The following LCORL variants were observed in gnomAD, a reference collection of about 807,000 sequenced individuals.
The protein encoded by LCORL is ligand-dependent nuclear receptor corepressor-like protein.
Under a neutral mutation model 141.8 loss-of-function variants are expected in LCORL, and 41 were observed. The ratio of observed to expected loss-of-function variants is 0.29; its 90% confidence interval spans 0.23 to 0.38. The LOEUF (loss-of-function observed/expected upper bound fraction) is 0.38, where lower values mean the gene tolerates loss of function less well. Ranked by LOEUF, LCORL falls within the 10% of genes least tolerant of loss-of-function variation. The pLI, the probability that LCORL is intolerant of heterozygous loss-of-function variation, is 1.00. For missense variants in LCORL, 1,759 were observed against 2,035.0 expected, an observed-to-expected ratio of 0.86 and a Z score of 2.61; for synonymous variants, 618 against 694.1, an observed-to-expected ratio of 0.89 and a Z score of 1.72.
chr4:17,927,301 A>C (rs530803204), intron 4 of LCORL, among the ~76,000 whole-genome samples: 2 of 152,306 alleles, frequency 1.3e-5, no homozygotes, highest in African/African-American at 4.8e-5. Context: ...TTTTGTCTTA[A>C]CGGAATGTCA....
chr4:17,876,432 T>C (rs1726929939), exon 7 of LCORL: 1 of 1,230,960 alleles, frequency 8.1e-7, no homozygotes, highest in Admixed American at 4.2e-5. Flanking sequence ...TAATGGCTGA[T>C]TATTCCAGGA....
chr4:17,953,563 T>C (rs1395780424), intron 4 of LCORL, among the ~76,000 whole-genome samples: 1 of 152,218 alleles, frequency 6.6e-6, no homozygotes, highest in Non-Finnish European at 1.5e-5. Flanking sequence ...TATTAGCACT[T>C]ACTTGTCATC....
intron 4 of LCORL, among the ~76,000 whole-genome samples, chr4:17,943,347 C>T (rs528650555): frequency 6.6e-6 from 1 of 152,286 alleles, no homozygotes; most frequent in South Asian, 2.1e-4. Flanking sequence ...CTTCACTCTT[C>T]AAAGGGAATA....
At chr4:17,843,360 A>C in exon 8 of LCORL, 1 of 1,612,230 alleles carries the variant, frequency 6.2e-7, no homozygotes, top group Non-Finnish European at 8.5e-7. Context: ...AAGACGAGCC[A>C]AAACCGCAGC....
chr4:17,941,584 ATATAT>A (rs1176281396), intron 4 of LCORL, among the ~76,000 whole-genome samples: 3 of 152,160 alleles, frequency 2.0e-5, no homozygotes, highest in African/African-American at 7.2e-5. Context: ...TAAGCTAACG[ATATAT>A]TCCACCATGC....
At chr4:17,860,433 GACTT>G (rs2109128836) in intron 7 of LCORL, among the ~76,000 whole-genome samples, 1 of 152,256 alleles carries the variant, frequency 6.6e-6, no homozygotes, top group African/African-American at 2.4e-5. Flanking sequence ...GATTTTGTGA[GACTT>G]ACTATCACAA....
At chr4:17,974,520 T>A (rs936155062) in intron 1 of LCORL, among the ~76,000 whole-genome samples, 1 of 152,132 alleles carries the variant, frequency 6.6e-6, no homozygotes, top group African/African-American at 2.4e-5. Context: ...AGAAACTATT[T>A]CCATCAACTC....
intron 5 of LCORL, among the ~76,000 whole-genome samples, chr4:17,904,769 T>C (rs1731363744): frequency 6.6e-6 from 1 of 152,156 alleles, no homozygotes; most frequent in South Asian, 2.1e-4. Flanking sequence ...TAGCACCCTG[T>C]TTTAATTACT....
At chr4:17,980,814 G>C (rs928212689) in intron 1 of LCORL, among the ~76,000 whole-genome samples, 1 of 152,148 alleles carries the variant, frequency 6.6e-6, no homozygotes, top group Non-Finnish European at 1.5e-5. Context: ...TGTTAGATCA[G>C]ATTCTCACAG....
At chr4:17,959,718 C>T (rs1214012738) in intron 4 of LCORL, among the ~76,000 whole-genome samples, 4 of 151,880 alleles carry the variant, frequency 2.6e-5, no homozygotes, top group Admixed American at 6.6e-5. Context: ...TGCACATGTT[C>T]CTCAAACTAA....
intron 1 of LCORL, among the ~76,000 whole-genome samples, chr4:17,997,613 T>G (rs1303511539): frequency 1.3e-5 from 2 of 151,738 alleles, no homozygotes; most frequent in East Asian, 3.8e-4. Flanking sequence ...GTCTTCAAAT[T>G]TTTTTTAAAG....
At chr4:18,010,862 T>C (rs1321702991) in intron 1 of LCORL, among the ~76,000 whole-genome samples, 1 of 152,164 alleles carries the variant, frequency 6.6e-6, no homozygotes, top group Non-Finnish European at 1.5e-5. Context: ...CTGCAAAAAT[T>C]AACAGCCATG....
chr4:17,937,207 A>G (rs1304190861), intron 4 of LCORL, among the ~76,000 whole-genome samples: 1 of 152,104 alleles, frequency 6.6e-6, no homozygotes, highest in Non-Finnish European at 1.5e-5. Context: ...TTTCTGAAAA[A>G]TTTTGCCAAC....
intron 4 of LCORL, among the ~76,000 whole-genome samples, chr4:17,911,069 A>G (rs1426728863): frequency 2.0e-5 from 3 of 152,204 alleles, no homozygotes; most frequent in Non-Finnish European, 4.4e-5. Context: ...CTCAGTTTCT[A>G]CATTCATTAA....
chr4:17,906,663 G>A (rs1731670064), intron 5 of LCORL, among the ~76,000 whole-genome samples: 1 of 150,694 alleles, frequency 6.6e-6, no homozygotes, highest in African/African-American at 2.4e-5. Context: ...AAGATCTAAG[G>A]ACTGGAAATT....
At chr4:17,885,259 G>A (rs890072032) in intron 6 of LCORL, among the ~76,000 whole-genome samples, 1 of 151,762 alleles carries the variant, frequency 6.6e-6, no homozygotes, top group Non-Finnish European at 1.5e-5. Flanking sequence ...TTTTTCTCTA[G>A]ACAAGAGCTT....
intron 7 of LCORL, among the ~76,000 whole-genome samples, chr4:17,863,053 C>T (rs151011965): frequency 2.0e-4 from 30 of 152,318 alleles, no homozygotes; most frequent in African/African-American, 7.2e-4. Flanking sequence ...TGGTGGCTCA[C>T]ACCTGTAATC....
At chr4:17,890,249 T>C (rs1348293812) in intron 5 of LCORL, among the ~76,000 whole-genome samples, 1 of 152,076 alleles carries the variant, frequency 6.6e-6, no homozygotes, top group Non-Finnish European at 1.5e-5. Context: ...TAACACTTGG[T>C]GTTGCTGTGA....
intron 1 of LCORL, among the ~76,000 whole-genome samples, chr4:17,998,530 T>G (rs1329989189): frequency 6.6e-6 from 1 of 152,102 alleles, no homozygotes; most frequent in African/African-American, 2.4e-5. Flanking sequence ...TCATCAATAT[T>G]ACTATCTTCC....
Sources: allele counts gnomAD v4.1 joint callset (sites outside exome capture counted in the v4.1 genomes callset), GRCh38; gene constraint gnomAD v4.1.1; transcripts MANE v1.5; gene names NCBI Gene and HGNC (gene_info 2026-07-23, HGNC 2026-07-21).